The following ZFYVE16 variants were observed in gnomAD, a reference collection of about 807,000 sequenced individuals.
ZFYVE16 encodes the protein zinc finger FYVE domain-containing protein 16.
A neutral mutation model predicts 138.1 loss-of-function variants in ZFYVE16; 89 were observed. The ratio of observed to expected loss-of-function variants is 0.64; its 90% confidence interval spans 0.54 to 0.77. The LOEUF is 0.77. ZFYVE16 is among the 30% of genes least tolerant of loss of function. The pLI is 0.00. For missense variants in ZFYVE16, 1,793 were observed against 1,786.7 expected (o/e 1.00, Z -0.06); for synonymous variants, 596 against 618.3 (o/e 0.96, Z 0.53).
In ZFYVE16 at chr5:80,438,681, A is replaced by T; in HGVS notation, c.1996A>T (p.Asn666Tyr). 1 of 1,614,184 alleles carries T rather than the reference A, an allele frequency of 6.2e-7. No homozygotes were observed. The highest frequency in any genetic ancestry group is 8.5e-7 in the Non-Finnish European group (1 of 1,180,010). ...PSRTRSSKDL[N>Y]KPDVPDTIES... is the part of the protein sequence containing the mutation. ...AAGAACAAGGAGTTCAAAGGACCTG[A>T]ATAAGCCAGATGTTCCAGATACAAT... Residue 666 changes from asparagine to tyrosine, a missense_variant, in exon 4 of 19, where the codon AAT becomes TAT. Around this residue, in one of 2 missense-constraint regions of ZFYVE16, gnomAD observed 1,295 missense variants for 1,204.3 expected, o/e 1.08. Transcript: ENST00000505560.
rs1329138281 is a variant in ZFYVE16 at position 80,478,235 on chromosome 5, C to T, written c.*858C>T. 1 of 151,928 alleles carries T rather than the reference C, an allele frequency of 6.6e-6. No individual in the cohort carries two copies. Among genetic ancestry groups the T allele is most frequent in the Admixed American group, 6.6e-5 (1 of 15,260 alleles). 9.4% of individuals were successfully genotyped at this position (151,928 alleles called of 1,614,324 possible). ...CTTCTAAGAGTGACTGACGACGGGC[C>T]AGATGACCCTTGAAGTAGTCATTAT... On this transcript the variant is annotated 3_prime_UTR_variant, in exon 19 of 19. Transcript: ENST00000505560.
In ZFYVE16 at chr5:80,433,158, C is replaced by T. The variant is rs955166790; in HGVS notation, c.-39-951C>T. On this transcript the variant is annotated intron_variant, in intron 2 of 18. Transcript: ENST00000505560. The stretch of plus-strand genomic sequence containing the variant: ...CACACATATGTTTATTGCGGCACTA[C>T]TCACAATAGCAAAGACTTGGAACCA... Among the ~76,000 whole-genome samples the T allele has an allele frequency of 1.2e-4, 19 of 152,224 alleles. No individual in the cohort carries two copies. The East Asian group carries it at 1.4e-3, about 11-fold the overall frequency.
At chr5:80,426,783 T>C (rs1240306219) in intron 1 of ZFYVE16, among the ~76,000 whole-genome samples, 1 of 152,220 alleles carries the variant, frequency 6.6e-6, no homozygotes, top group Non-Finnish European at 1.5e-5. Flanking sequence ...TGATTTCTAT[T>C]CCTTTGGGTG....
At chr5:80,430,093 T>C (rs1482428840) in intron 2 of ZFYVE16, among the ~76,000 whole-genome samples, 1 of 152,198 alleles carries the variant, frequency 6.6e-6, no homozygotes, top group African/African-American at 2.4e-5. Context: ...GCGGACGTAA[T>C]AGACATCTAC....
At chr5:80,445,137 G>T (rs572030599) in intron 6 of ZFYVE16, 126 bp from the exon 7 acceptor site, 4 of 955,876 alleles carry the variant, frequency 4.2e-6, no homozygotes, top group East Asian at 2.6e-5. Flanking sequence ...GATCTTTGTA[G>T]CCCTGAGAAT....
chr5:80,472,789 G>A lies in ZFYVE16; in HGVS notation c.4053G>A (p.Glu1351=), dbSNP rs777508629. The change falls in exon 16 of 19, where the codon GAG becomes GAA. Residue 1351 remains glutamate (E), a synonymous_variant. Coordinates refer to ENST00000505560, the MANE Select transcript of ZFYVE16 (RefSeq NM_001284236.3). ...EDGLMVQITP[E]TMNGLRLALR... ...GCTTAATGGTACAAATAACTCCAGA[G>A]ACCATGAATGGCTTGCGGCTAGCTT... 23 of 1,613,806 alleles carry A rather than the reference G, an allele frequency of 1.4e-5. No individual in the cohort carries two copies. The Admixed American group carries it at 1.5e-4, about 11-fold the overall frequency.
chr5:80,409,101 ATTAC>A (rs1745065122), intron 1 of ZFYVE16, among the ~76,000 whole-genome samples: 1 of 152,152 alleles, frequency 6.6e-6, no homozygotes, highest in African/African-American at 2.4e-5. Flanking sequence ...ATAGTAATCA[ATTAC>A]TTATAATATT....
At chr5:80,412,507 G>A (rs1213722569) in intron 1 of ZFYVE16, among the ~76,000 whole-genome samples, 3 of 152,118 alleles carry the variant, frequency 2.0e-5, no homozygotes. Context: ...GAGATTTCAT[G>A]TTAAAACATT....
intron 17 of ZFYVE16, among the ~76,000 whole-genome samples, chr5:80,474,122 G>C (rs1754661215): frequency 6.6e-6 from 1 of 152,050 alleles, no homozygotes; most frequent in Non-Finnish European, 1.5e-5. Context: ...TATGTTACTT[G>C]ACCATATTTT....
rs774376267 is a variant in ZFYVE16 at position 80,437,201 on chromosome 5, T to C, written c.516T>C (p.Thr172=). 1.9e-6 allele frequency: 3 copies of C among 1,613,894 alleles called. No individual in the cohort carries two copies. The highest frequency in any genetic ancestry group is 2.7e-5 in the African/African-American group (2 of 74,914). Residue 172 remains threonine, a synonymous_variant, in exon 4 of 19, where the codon ACT becomes ACC. Transcript: ENST00000505560. ...IGLDLSSVSD[T]PCVSSTDHDS... ...TGGATTTATCTTCAGTGTCAGATAC[T>C]CCCTGTGTTTCTTCAACAGACCATG...
chr5:80,473,700 T>C (rs1754606403), intron 16 of ZFYVE16, 54 bp from the exon 17 acceptor site: 11 of 1,322,268 alleles, frequency 8.3e-6, no homozygotes, highest in Non-Finnish European at 1.0e-5. Flanking sequence ...TAATAATTCA[T>C]TTCAAAAACA....
intron 1 of ZFYVE16, 42 bp downstream of exon 1, chr5:80,408,195 C>G (rs1363427068): frequency 6.6e-6 from 1 of 152,422 alleles, no homozygotes; most frequent in Non-Finnish European, 1.5e-5. Context: ...CTCCCCTCAG[C>G]CCTGCTGTTC....
At chr5:80,418,022 A>T (rs1403908846) in intron 1 of ZFYVE16, among the ~76,000 whole-genome samples, 1 of 152,222 alleles carries the variant, frequency 6.6e-6, no homozygotes, top group Non-Finnish European at 1.5e-5. Context: ...TCTAATCTGC[A>T]GTTCCCTAAA....
Position 80,479,055 on chromosome 5 carries a change from A to G in ZFYVE16, c.*1678A>G, listed in dbSNP as rs969626069. 2.0e-5 allele frequency: 3 copies of G among 152,116 alleles called. No individual in the cohort carries two copies. The highest frequency in any genetic ancestry group is 7.2e-5 in the African/African-American group (3 of 41,438). 9.4% of individuals were successfully genotyped at this position (152,116 alleles called of 1,614,324 possible). A position where few individuals can be genotyped will look rare whatever the true frequency, so the allele number is the denominator to read the frequency against. On this transcript the variant is annotated 3_prime_UTR_variant, in exon 19 of 19. Transcript: ENST00000505560. ...TGGTAGAGGGCTGTTCCATGATGGGACAGCTTTGGATTTGTTTTCATAAAA... is the reference window on the plus strand; with the variant it reads ...TGGTAGAGGGCTGTTCCATGATGGGGCAGCTTTGGATTTGTTTTCATAAAA...
At position 80,459,467 on chromosome 5, in the gene ZFYVE16, T is replaced by C. The variant is rs1752883099; in HGVS notation, c.3997T>C (p.Phe1333Leu). ...TGGAGCTCTAAAAACATCTTCAGGA[T>C]TTCTTGCTAAGTCCAGCATAGTTGA... ...FNGALKTSSG[F>L]LAKSSIVEDG... The change falls in exon 15 of 19, where the codon TTT (phenylalanine) becomes CTT (leucine). Residue 1333 changes from phenylalanine to leucine, a missense_variant. Phe to Leu is a conservative substitution (Grantham distance 22). Coordinates refer to ENST00000505560, the MANE Select transcript of ZFYVE16 (RefSeq NM_001284236.3). 1 of 1,613,052 alleles carries C rather than the reference T, an allele frequency of 6.2e-7. No homozygotes were observed. Among genetic ancestry groups the C allele is most frequent in the South Asian group, 1.1e-5 (1 of 90,886 alleles).
Position 80,435,678 on chromosome 5 carries a change from C to T in ZFYVE16, c.71-1078C>T, listed in dbSNP as rs142680928. 1,143 of 404,648 alleles carry T rather than the reference C, an allele frequency of 2.8e-3. 14 individuals are homozygous for T. Among genetic ancestry groups the T allele is most frequent in the African/African-American group, 0.021 (1,025 of 47,744 alleles). The allele number at this position is 404,648 out of a possible 1,614,324, so 25.1% of individuals were successfully genotyped here. A position where few individuals can be genotyped will look rare whatever the true frequency, so the allele number is the denominator to read the frequency against. ...TGAATTCCTGCCCTCAGGCAATCCT[C>T]TCACCTCAGCCTTCTGAGTAGCTGG... On this transcript the variant is annotated intron_variant, in intron 3 of 18. Transcript: ENST00000505560.
chr5:80,432,014 G>A (rs1199494384), intron 2 of ZFYVE16, among the ~76,000 whole-genome samples: 1 of 152,106 alleles, frequency 6.6e-6, no homozygotes, highest in African/African-American at 2.4e-5. Context: ...ACTGCCCAAG[G>A]TAATTTATAG....
chr5:80,414,012 A>G (rs1330169676), intron 1 of ZFYVE16, among the ~76,000 whole-genome samples: 1 of 152,120 alleles, frequency 6.6e-6, no homozygotes, highest in African/African-American at 2.4e-5. Context: ...TTTGGTGTTT[A>G]CCTCATTTTA....
chr5:80,433,768 T>TA (rs1409399543), intron 2 of ZFYVE16, among the ~76,000 whole-genome samples: 36 of 152,328 alleles, frequency 2.4e-4, no homozygotes, highest in African/African-American at 7.7e-4. Context: ...CCAGAGTTTT[T>TA]ATGTGCATTA....
Sources: allele counts gnomAD v4.1 joint callset (sites outside exome capture counted in the v4.1 genomes callset), GRCh38; gene constraint gnomAD v4.1.1; regional missense constraint gnomAD v4.1.1; transcripts MANE v1.5; gene names NCBI Gene and HGNC (gene_info 2026-07-23, HGNC 2026-07-21).